The following SPAG16 variants were observed in gnomAD, a reference collection of about 807,000 sequenced individuals.
The protein encoded by SPAG16 is sperm-associated antigen 16 protein.
In SPAG16, 86 loss-of-function variants were observed where a neutral mutation model predicts 80.4. The observed-to-expected ratio is 1.07, with a 90% CI of 0.90 to 1.28. The LOEUF is 1.28. Ranked by LOEUF, SPAG16 falls within the 50% of genes most tolerant of loss-of-function variation. The probability of loss-of-function intolerance (pLI) is 0.00; values close to 1 mark genes in which losing one functional copy is unlikely to be tolerated. For synonymous variants in SPAG16, 294 were observed against 265.9 expected, an observed-to-expected ratio of 1.11 and a Z score of -1.03; for missense variants, 870 against 765.3, an observed-to-expected ratio of 1.14 and a Z score of -1.61.
intron 10 of SPAG16, among the ~76,000 whole-genome samples, chr2:213,790,038 A>G (rs1313794964): frequency 1.3e-5 from 2 of 151,846 alleles, no homozygotes; most frequent in African/African-American, 2.4e-5. Context: ...TCCCCTCAGT[A>G]TTATTCAACT....
At chr2:214,363,786 G>A (rs1397110542) in intron 15 of SPAG16, among the ~76,000 whole-genome samples, 1 of 152,070 alleles carries the variant, frequency 6.6e-6, no homozygotes, top group African/African-American at 2.4e-5. Flanking sequence ...ACAGAAGTTG[G>A]TGTTAGCTAA....
At chr2:213,440,595 G>A (rs2070891771) in intron 9 of SPAG16, among the ~76,000 whole-genome samples, 1 of 151,662 alleles carries the variant, frequency 6.6e-6, no homozygotes, top group Non-Finnish European at 1.5e-5. Flanking sequence ...AATAGTCAAT[G>A]TAACAGAATA....
chr2:214,348,336 C>T (rs544335616), intron 15 of SPAG16, among the ~76,000 whole-genome samples: 8 of 152,220 alleles, frequency 5.3e-5, no homozygotes, highest in Non-Finnish European at 7.4e-5. Context: ...AAATGATTTG[C>T]GACCAGAGGT....
chr2:214,290,428 C>T (rs1693711828), intron 15 of SPAG16, among the ~76,000 whole-genome samples: 5 of 152,224 alleles, frequency 3.3e-5, no homozygotes, highest in South Asian at 2.1e-4. Flanking sequence ...TTGGATTTGA[C>T]TTACCCTTGC....
intron 15 of SPAG16, among the ~76,000 whole-genome samples, chr2:214,284,321 C>G (rs1246893123): frequency 6.6e-6 from 1 of 152,194 alleles, no homozygotes; most frequent in Non-Finnish European, 1.5e-5. Context: ...TATCTCATCC[C>G]TTTAATTTCC....
intron 15 of SPAG16, among the ~76,000 whole-genome samples, chr2:214,253,987 G>C (rs1432347211): frequency 1.3e-5 from 2 of 152,042 alleles, no homozygotes; most frequent in Admixed American, 6.6e-5. Context: ...TTTGAGCAGT[G>C]GTTTGTAGTT....
intron 12 of SPAG16, among the ~76,000 whole-genome samples, chr2:213,936,163 C>T (rs1384725733): frequency 6.6e-6 from 1 of 152,078 alleles, no homozygotes. Context: ...CCAAGCTCTT[C>T]TGATCAGGAA....
At chr2:213,379,150 G>A (rs542545254) in intron 9 of SPAG16, among the ~76,000 whole-genome samples, 1 of 152,300 alleles carries the variant, frequency 6.6e-6, no homozygotes, top group African/African-American at 2.4e-5. Flanking sequence ...CAGGATCAAT[G>A]TTGTGGGAAC....
intron 15 of SPAG16, among the ~76,000 whole-genome samples, chr2:214,228,822 A>C (rs1479509170): frequency 6.6e-6 from 1 of 151,930 alleles, no homozygotes; most frequent in East Asian, 1.9e-4. Context: ...ATATTTAACA[A>C]ATGAGAAAAA....
At chr2:213,723,505 A>G (rs987602161) in intron 10 of SPAG16, among the ~76,000 whole-genome samples, 1 of 152,190 alleles carries the variant, frequency 6.6e-6, no homozygotes, top group African/African-American at 2.4e-5. Flanking sequence ...GTTGAATTGA[A>G]TGTAGAAGGA....
At chr2:213,846,897 G>T (rs562636910) in intron 10 of SPAG16, among the ~76,000 whole-genome samples, 2 of 152,166 alleles carry the variant, frequency 1.3e-5, no homozygotes, top group African/African-American at 4.8e-5. Context: ...AGCAGGTCTA[G>T]TCTCTTATCT....
chr2:214,268,172 G>A (rs988518484), intron 15 of SPAG16, among the ~76,000 whole-genome samples: 2 of 151,488 alleles, frequency 1.3e-5, no homozygotes, highest in African/African-American at 2.4e-5. Flanking sequence ...GATAACAAGC[G>A]TTGGCAAGCA....
chr2:214,208,772 G>A (rs922159226), intron 15 of SPAG16, among the ~76,000 whole-genome samples: 3 of 152,180 alleles, frequency 2.0e-5, no homozygotes, highest in African/African-American at 7.2e-5. Context: ...GGATAAATGG[G>A]CTAATAGCTA....
intron 10 of SPAG16, among the ~76,000 whole-genome samples, chr2:213,510,672 T>C (rs1433619657): frequency 5.3e-5 from 8 of 152,180 alleles, no homozygotes; most frequent in Admixed American, 5.2e-4. Context: ...GCAACCTTTG[T>C]ATTGATAACT....
intron 12 of SPAG16, among the ~76,000 whole-genome samples, chr2:213,999,832 C>G (rs1289170322): frequency 4.6e-5 from 7 of 152,248 alleles, no homozygotes; most frequent in Admixed American, 4.6e-4. Flanking sequence ...TAAAATTTGA[C>G]TGCCTCACTG....
chr2:214,334,663 T>C (rs1697153793), intron 15 of SPAG16, among the ~76,000 whole-genome samples: 1 of 152,210 alleles, frequency 6.6e-6, no homozygotes, highest in Admixed American at 6.5e-5. Context: ...GCAATAGCCA[T>C]GAGGTTTCAG....
At chr2:214,369,063 T>C (rs946953347) in intron 15 of SPAG16, among the ~76,000 whole-genome samples, 2 of 152,088 alleles carry the variant, frequency 1.3e-5, no homozygotes, top group African/African-American at 4.8e-5. Context: ...CTATTGTATA[T>C]ATATATTCTC....
rs368957722 is a variant in SPAG16, at chr2:213,812,105, A to C, written c.1071-50380A>C. Among the ~76,000 whole-genome samples, 41 of 152,316 alleles carry C rather than the reference A, an allele frequency of 2.7e-4. 1 individual carries two copies. The highest frequency in any genetic ancestry group is 2.3e-3 in the East Asian group (12 of 5,188). The stretch of plus-strand genomic sequence containing the variant: ...GCCAGGAAGACAGTTTTCAGTTGTT[A>C]CAGGAACCTGATAAGTGAACTCTGG... On this transcript the variant is annotated intron_variant, in intron 10 of 15. Transcript: ENST00000331683.
chr2:214,104,316 T>C (rs546007128), intron 13 of SPAG16, among the ~76,000 whole-genome samples: 1 of 152,296 alleles, frequency 6.6e-6, no homozygotes, highest in Admixed American at 6.5e-5. Flanking sequence ...GGAGTTCTTT[T>C]AGTGCAATGA....
Sources: gnomAD v4.1 joint callset for allele counts (sites outside exome capture counted in the v4.1 genomes callset) on GRCh38, gnomAD v4.1.1 for gene constraint, MANE v1.5 for transcripts, NCBI Gene and HGNC (gene_info 2026-07-23, HGNC 2026-07-21) for gene names.